The following PCDH15 variants were observed in gnomAD, a reference collection of about 807,000 sequenced individuals.
PCDH15 encodes the protein protocadherin related 15, also known as protocadherin-15.
Under a neutral mutation model 178.5 loss-of-function variants are expected in PCDH15, and 129 were observed. That is an observed-to-expected ratio of 0.72 (90% CI 0.63 to 0.84). The LOEUF (loss-of-function observed/expected upper bound fraction) is 0.84. Among genes scored for constraint, PCDH15 ranks in the 40% least tolerant of loss-of-function variants. The pLI, the probability that PCDH15 is intolerant of heterozygous loss-of-function variation, is 0.00. For missense variants in PCDH15, 2,230 were observed against 2,099.9 expected, an observed-to-expected ratio of 1.06 and a Z score of -1.21; for synonymous variants, 800 against 732.0, an observed-to-expected ratio of 1.09 and a Z score of -1.50.
At chr10:55,091,391 TTC>T (rs1242155398) in intron 2 of PCDH15, among the ~76,000 whole-genome samples, 8 of 151,914 alleles carry the variant, frequency 5.3e-5, no homozygotes, top group Non-Finnish European at 1.2e-4. Context: ...TTACACCAGT[TTC>T]TATAGTTTTC....
chr10:54,596,084 AAT>A (rs1212678322), intron 2 of PCDH15, among the ~76,000 whole-genome samples: 1 of 152,264 alleles, frequency 6.6e-6, no homozygotes, highest in East Asian at 1.9e-4. Context: ...CCTAACCACC[AAT>A]ATTCAAATTC....
chr10:53,910,218 C>G (rs187619010), intron 25 of PCDH15, among the ~76,000 whole-genome samples: 3 of 152,250 alleles, frequency 2.0e-5, no homozygotes, highest in Admixed American at 2.0e-4. Flanking sequence ...TGGGTCCCTA[C>G]CCCAGTGTAG....
At chr10:54,400,930 A>G (rs1016266881) in intron 3 of PCDH15, among the ~76,000 whole-genome samples, 3 of 152,048 alleles carry the variant, frequency 2.0e-5, no homozygotes, top group African/African-American at 4.8e-5. Context: ...GGTATTGTTC[A>G]TCTAGTTTGT....
chr10:54,935,368 C>T (rs912923460), intron 2 of PCDH15, among the ~76,000 whole-genome samples: 7 of 152,140 alleles, frequency 4.6e-5, no homozygotes, highest in African/African-American at 1.4e-4. Flanking sequence ...AGGGATAATA[C>T]ATCAACTGAA....
intron 8 of PCDH15, among the ~76,000 whole-genome samples, chr10:54,311,674 G>A (rs2060919584): frequency 6.6e-6 from 1 of 151,946 alleles, no homozygotes; most frequent in Non-Finnish European, 1.5e-5. Flanking sequence ...ACTATGAATT[G>A]CTTTCTACCT....
At chr10:54,993,365 G>A (rs1839554695) in intron 2 of PCDH15, among the ~76,000 whole-genome samples, 1 of 152,152 alleles carries the variant, frequency 6.6e-6, no homozygotes, top group East Asian at 1.9e-4. Context: ...TATGCAATAT[G>A]AGAAATGCAA....
intron 2 of PCDH15, among the ~76,000 whole-genome samples, chr10:55,059,240 A>G (rs1198610548): frequency 6.6e-6 from 1 of 152,176 alleles, no homozygotes; most frequent in East Asian, 1.9e-4. Context: ...AAACCTTCCT[A>G]CCAACCCATA....
intron 25 of PCDH15, among the ~76,000 whole-genome samples, chr10:53,930,275 G>A (rs1350617094): frequency 6.6e-6 from 1 of 151,584 alleles, no homozygotes; most frequent in East Asian, 2.0e-4. Flanking sequence ...TGGCTAACAT[G>A]GTGAAACCTC....
chr10:55,576,202 T>G lies in PCDH15; in HGVS notation c.-156+51423A>C, dbSNP rs77316653. On this transcript the variant is annotated intron_variant, in intron 2 of 5. Transcript: ENST00000613346. ...TGATAACATAGTGAATTAACAAATA[T>G]TTTTCATATCATATGTATTATTAAT... Among the ~76,000 whole-genome samples, 542 of 152,274 alleles carry G rather than the reference T, an allele frequency of 3.6e-3. 4 individuals are homozygous for G. The highest frequency in any genetic ancestry group is 0.012 in the African/African-American group (519 of 41,538).
chr10:54,812,649 G>A (rs1952883397), intron 3 of PCDH15, among the ~76,000 whole-genome samples: 1 of 151,874 alleles, frequency 6.6e-6, no homozygotes, highest in South Asian at 2.1e-4. Context: ...AGTAGAGACA[G>A]GGTTTCACCA....
At position 55,613,015 on chromosome 10, in the gene PCDH15, AG is replaced by A. The variant is rs1843400788; in HGVS notation, c.-156+14609del. Among the ~76,000 whole-genome samples the A allele has an allele frequency of 4.4e-5, 6 of 136,260 alleles. No individual in the cohort carries two copies. The South Asian group carries it at 1.4e-3, about 32-fold the overall frequency. 89.4% of individuals were successfully genotyped at this position (136,260 alleles called of 152,430 possible). A position where few individuals can be genotyped will look rare whatever the true frequency, so the allele number is the denominator to read the frequency against. ...ACTCTCCAATACATATTTACTAGCC[AG>A]ATTTTTTTTTTTTTTTTTTTTTTTT... On this transcript the variant is annotated intron_variant, in intron 2 of 5. Transcript: ENST00000613346.
chr10:53,821,859 T>C (rs892797242), intron 32 of PCDH15: 2 of 1,612,776 alleles, frequency 1.2e-6, no homozygotes, highest in Admixed American at 1.7e-5. Context: ...AAAGCAACAT[T>C]ACAGTGAAGT....
Position 54,785,719 on chromosome 10 carries a change from C to T in PCDH15, c.-29+15206G>A, listed in dbSNP as rs149592489. Among the ~76,000 whole-genome samples, 393 of 152,072 alleles carry T rather than the reference C, an allele frequency of 2.6e-3. 1 individual carries two copies. The highest frequency in any genetic ancestry group is 4.9e-3 in the Admixed American group (74 of 15,226). On this transcript the variant is annotated intron_variant, in intron 1 of 37. Coordinates refer to ENST00000644397, the MANE Select transcript of PCDH15 (RefSeq NM_001384140.1). ...AGACAAGGGGGAAAAAAGCATGTAG[C>T]ACCCTGGATAAATCTTAAATTCTGC...
intron 2 of PCDH15, among the ~76,000 whole-genome samples, chr10:54,933,379 C>A (rs1206752363): frequency 6.6e-5 from 10 of 151,988 alleles, no homozygotes; most frequent in Admixed American, 6.6e-4. Flanking sequence ...TGGGTGAGAC[C>A]TCTCTGCTTT....
intron 2 of PCDH15, among the ~76,000 whole-genome samples, chr10:55,375,320 A>AT (rs992399364): frequency 1.5e-4 from 23 of 152,040 alleles, no homozygotes; most frequent in South Asian, 4.2e-4. Context: ...TTTTTAAGTG[A>AT]TTTTTTTTCC....
Position 54,868,631 on chromosome 10 carries a change from C to T in PCDH15, c.-29+28819G>A, listed in dbSNP as rs566811992. 1.6e-4 allele frequency among the ~76,000 whole-genome samples: 24 copies of T among 152,296 alleles called. 1 individual carries two copies. The South Asian group carries it at 4.8e-3, about 30-fold the overall frequency. ...CCATTCAAAATTTCAAATCAGGCTA[C>T]TTCTCTTCTTTGTACAGCAAACATG... On this transcript the variant is annotated intron_variant, in intron 3 of 5. Coordinates refer to the PCDH15 transcript ENST00000458638.
At chr10:54,647,820 GT>G (rs1352000784) in intron 2 of PCDH15, among the ~76,000 whole-genome samples, 5 of 152,032 alleles carry the variant, frequency 3.3e-5, no homozygotes, top group Non-Finnish European at 7.4e-5. Context: ...CCTCTCACTA[GT>G]GGTGAATGTT....
intron 2 of PCDH15, among the ~76,000 whole-genome samples, chr10:54,939,582 C>T (rs1178017626): frequency 3.4e-5 from 5 of 146,264 alleles, no homozygotes. Context: ...AATCTTTTTG[C>T]ATTTCTGGAT....
chr10:55,062,952 A>T (rs1841473103), intron 2 of PCDH15, among the ~76,000 whole-genome samples: 1 of 152,258 alleles, frequency 6.6e-6, no homozygotes, highest in Admixed American at 6.5e-5. Context: ...ATAATAAAAG[A>T]TGTATGTGAA....
Sources: allele counts gnomAD v4.1 joint callset (sites outside exome capture counted in the v4.1 genomes callset), GRCh38; gene constraint gnomAD v4.1.1; transcripts MANE v1.5; gene names NCBI Gene and HGNC (gene_info 2026-07-23, HGNC 2026-07-21).